Variants in FNIP1 observed in about 807,000 individuals in gnomAD.
FNIP1 encodes the protein folliculin interacting protein 1.
A neutral mutation model predicts 124.5 loss-of-function variants in FNIP1; 40 were observed. The observed-to-expected ratio is 0.32, with a 90% confidence interval of 0.25 to 0.42. FNIP1 has a LOEUF of 0.42. Among genes scored for constraint, FNIP1 ranks in the 10% least tolerant of loss-of-function variants. The probability of loss-of-function intolerance (pLI) is 1.00; values close to 1 mark genes in which losing one functional copy is unlikely to be tolerated. For synonymous variants in FNIP1, 472 were observed against 470.6 expected, an observed-to-expected ratio of 1.00 and a Z score of -0.04; for missense variants, 1,176 against 1,403.7, an observed-to-expected ratio of 0.84 and a Z score of 2.59.
chr5:131,675,571 A>G (rs1481891645), intron 13 of FNIP1, among the ~76,000 whole-genome samples: 2 of 152,240 alleles, frequency 1.3e-5, no homozygotes, highest in Non-Finnish European at 2.9e-5. Context: ...CATACAAAAT[A>G]GGTGAATCTG....
chr5:131,791,412 G>T (rs982132955), intron 1 of FNIP1, among the ~76,000 whole-genome samples: 3 of 152,130 alleles, frequency 2.0e-5, no homozygotes, highest in African/African-American at 4.8e-5. Flanking sequence ...TAACTTTGAT[G>T]AATAGGAAGT....
intron 2 of FNIP1, among the ~76,000 whole-genome samples, chr5:131,736,576 G>C (rs1027292317): frequency 2.6e-5 from 4 of 152,296 alleles, no homozygotes; most frequent in Middle Eastern, 3.4e-3. Flanking sequence ...GAGCATTACC[G>C]CCTGCACTCC....
chr5:131,661,903 G>A (rs1767452702), intron 15 of FNIP1, among the ~76,000 whole-genome samples: 1 of 152,208 alleles, frequency 6.6e-6, no homozygotes, highest in African/African-American at 2.4e-5. Context: ...TGAGGCTGTA[G>A]TGATTCTGGT....
intron 3 of FNIP1, 112 bp downstream of exon 3, chr5:131,730,792 G>A (rs1580792021): frequency 1.3e-6 from 1 of 767,544 alleles, no homozygotes; most frequent in Non-Finnish European, 2.0e-6. Context: ...CAGCTTCAAT[G>A]CAAGCTCTAG....
chr5:131,767,298 G>A (rs1445838812), intron 1 of FNIP1, among the ~76,000 whole-genome samples: 3 of 151,582 alleles, frequency 2.0e-5, no homozygotes, highest in Non-Finnish European at 2.9e-5. Flanking sequence ...TGGGCATGGT[G>A]TGCACCTGTA....
intron 16 of FNIP1, 75 bp downstream of exon 16, chr5:131,651,727 T>C: frequency 9.8e-6 from 14 of 1,424,020 alleles, no homozygotes; most frequent in Non-Finnish European, 1.2e-5. Context: ...CCCTAACAGC[T>C]TTTTTTCAGA....
At chr5:131,746,358 C>A (rs898592986) in intron 1 of FNIP1, among the ~76,000 whole-genome samples, 14 of 152,080 alleles carry the variant, frequency 9.2e-5, no homozygotes, top group African/African-American at 3.4e-4. Context: ...TAGGGTACAA[C>A]TGATGCTGTC....
At chr5:131,745,704 T>C (rs1355812767) in intron 1 of FNIP1, among the ~76,000 whole-genome samples, 1 of 152,020 alleles carries the variant, frequency 6.6e-6, no homozygotes, top group Non-Finnish European at 1.5e-5. Context: ...GAAAAATTTA[T>C]CACAATGAAT....
intron 1 of FNIP1, among the ~76,000 whole-genome samples, chr5:131,750,341 G>A (rs992356856): frequency 6.6e-6 from 1 of 152,072 alleles, no homozygotes; most frequent in Non-Finnish European, 1.5e-5. Flanking sequence ...GAGAGGACAA[G>A]GAATAGGAGG....
chr5:131,791,313 C>T (rs1772399325), intron 1 of FNIP1, among the ~76,000 whole-genome samples: 1 of 151,920 alleles, frequency 6.6e-6, no homozygotes. Context: ...ACAAAGAATG[C>T]TAAAATCATT....
intron 2 of FNIP1, among the ~76,000 whole-genome samples, chr5:131,739,289 C>G (rs946464913): frequency 6.6e-6 from 1 of 152,086 alleles, no homozygotes; most frequent in South Asian, 2.1e-4. Context: ...ATGCTTGAGC[C>G]CAAGAGTTTG....
intron 1 of FNIP1, among the ~76,000 whole-genome samples, chr5:131,769,708 T>G (rs1771561911): frequency 6.6e-6 from 1 of 152,268 alleles, no homozygotes. Context: ...TGACAAAATC[T>G]GTTTTTGCAA....
At chr5:131,705,029 C>G (rs955990999) in intron 9 of FNIP1, among the ~76,000 whole-genome samples, 3 of 152,046 alleles carry the variant, frequency 2.0e-5, no homozygotes, top group Non-Finnish European at 2.9e-5. Flanking sequence ...ATTTACAAAT[C>G]ATATATCTGA....
chr5:131,698,511 C>T (rs1222700837), intron 11 of FNIP1, among the ~76,000 whole-genome samples: 1 of 152,178 alleles, frequency 6.6e-6, no homozygotes, highest in Non-Finnish European at 1.5e-5. Flanking sequence ...GCAACAAAGC[C>T]ATTTAGAATA....
chr5:131,771,064 A>C (rs1365165829), intron 1 of FNIP1, among the ~76,000 whole-genome samples: 1 of 152,112 alleles, frequency 6.6e-6, no homozygotes, highest in Non-Finnish European at 1.5e-5. Context: ...CATTAGGTAT[A>C]TCTCCCAACG....
intron 1 of FNIP1, among the ~76,000 whole-genome samples, chr5:131,764,317 T>C (rs977326093): frequency 1.3e-5 from 2 of 151,676 alleles, no homozygotes; most frequent in Non-Finnish European, 2.9e-5. Flanking sequence ...CTTTTTTTTT[T>C]TTTTTTTTGA....
chr5:131,678,057 G>C (rs193154731), intron 12 of FNIP1, among the ~76,000 whole-genome samples, 185 bp from the exon 13 acceptor site: 128 of 152,292 alleles, frequency 8.4e-4, no homozygotes, highest in African/African-American at 3.0e-3. Context: ...AATAGTTTCT[G>C]GTTGAGGAGG....
At chr5:131,660,576 C>A (rs1388141155) in intron 15 of FNIP1, among the ~76,000 whole-genome samples, 1 of 152,190 alleles carries the variant, frequency 6.6e-6, no homozygotes, top group Non-Finnish European at 1.5e-5. Context: ...CACCCCTTTC[C>A]CCAAACTGCC....
At position 131,699,045 on chromosome 5, in the gene FNIP1, T is replaced by C. The variant is rs768685750; in HGVS notation, c.1117-43A>G. On this transcript the variant is annotated intron_variant, in intron 10 of 17. Transcript: ENST00000510461. Reference sequence around the variant, plus strand: ...AGATAGTTAATTCTTATGTTAATCATGAGCAAAACATGGAAAAAAGTCTTT... The same window carrying C: ...AGATAGTTAATTCTTATGTTAATCACGAGCAAAACATGGAAAAAAGTCTTT... 49 of 1,521,296 alleles carry C rather than the reference T, an allele frequency of 3.2e-5. 1 individual carries two copies. The highest frequency in any genetic ancestry group is 4.3e-5 in the Non-Finnish European group (48 of 1,122,530). The allele number at this position is 1,521,296 out of a possible 1,614,324, so 94.2% of individuals were successfully genotyped here.
Sources: gnomAD v4.1 joint callset for allele counts (sites outside exome capture counted in the v4.1 genomes callset) on GRCh38, gnomAD v4.1.1 for gene constraint, MANE v1.5 for transcripts, NCBI Gene and HGNC (gene_info 2026-07-23, HGNC 2026-07-21) for gene names.